The following AKAP13 variants were observed in gnomAD, a reference collection of about 807,000 sequenced individuals.
AKAP13 encodes the protein A-kinase anchor protein 13.
Under a neutral mutation model 264.5 loss-of-function variants are expected in AKAP13, and 80 were observed. The observed-to-expected ratio is 0.30, with a 90% CI of 0.25 to 0.36. The LOEUF (loss-of-function observed/expected upper bound fraction) is 0.36. Ranked by LOEUF, AKAP13 falls within the 10% of genes least tolerant of loss-of-function variation. The pLI is 1.00. For synonymous variants in AKAP13, 1,380 were observed against 1,250.2 expected (o/e 1.10, Z -2.19); for missense variants, 3,712 against 3,435.2 (o/e 1.08, Z -2.01).
intron 21 of AKAP13, 111 bp downstream of exon 21, chr15:85,717,513 G>A (rs1295089294): frequency 2.4e-5 from 18 of 747,214 alleles, no homozygotes; most frequent in Non-Finnish European, 3.5e-5. Context: ...TCTGTATCCC[G>A]TGAAGATTCT....
rs562284876 is a variant in AKAP13 at position 85,520,313 on chromosome 15, G to T, written c.34-1115G>T. ...GATTCGAGACCAACCTGGCCAACAC[G>T]GCGAAACCTTGTCTCTACTAAAAAT... On this transcript the variant is annotated intron_variant, in intron 2 of 36. Coordinates refer to ENST00000394518, the MANE Select transcript of AKAP13 (RefSeq NM_007200.5). Among the ~76,000 whole-genome samples the T allele has an allele frequency of 4.6e-5, 7 of 151,914 alleles. No homozygotes were observed. In the South Asian group the frequency reaches 1.5e-3, roughly 32 times the overall value.
At chr15:85,666,585 G>T (rs1176443354) in intron 13 of AKAP13, among the ~76,000 whole-genome samples, 1 of 152,078 alleles carries the variant, frequency 6.6e-6, no homozygotes, top group Admixed American at 6.5e-5. Context: ...GTCTCACTCT[G>T]TCGCCCATAC....
At position 85,485,745 on chromosome 15, in the gene AKAP13, C is replaced by T. The variant is rs781602354; in HGVS notation, c.25C>T (p.Pro9Ser). Reference protein sequence around the residue: MKLNPQQAPLYGDCVVTVL... With the variant: MKLNPQQASLYGDCVVTVL... ...CATGAAACTTAATCCACAGCAAGCT[C>T]CCTTATATGTGAGTAAATCATGAGA... is the stretch of plus-strand genomic sequence containing the variant. The change falls in exon 2 of 37, where the codon CCC becomes TCC. Residue 9 changes from proline (P) to serine (S), a missense_variant. Pro to Ser is a moderately conservative substitution (Grantham distance 74). This residue lies in a region of AKAP13 where 2,759 missense variants were observed against 2,411.7 expected (regional missense o/e 1.14). Coordinates refer to ENST00000394518, the MANE Select transcript of AKAP13 (RefSeq NM_007200.5). 1.7e-5 allele frequency: 28 copies of T among 1,612,946 alleles called. No homozygotes were observed. Among genetic ancestry groups the T allele is most frequent in the Non-Finnish European group, 2.3e-5 (27 of 1,179,242 alleles).
In AKAP13 at chr15:85,533,621, T is replaced by C; in HGVS notation, c.219T>C (p.Cys73=). The change falls in exon 4 of 37, where the codon TGT becomes TGC. Residue 73 remains cysteine, a synonymous_variant. Transcript: ENST00000394518. ...DCCETVKVQL[C]ASKEGLPVFV... ...GTGAAACAGTGAAGGTGCAGCTCTG[T>C]GCTTCCAAAGAGGGCCTTCCCGTGT... 6.2e-7 allele frequency: 1 copy of C among 1,613,882 alleles called. No individual in the cohort carries two copies. The highest frequency in any genetic ancestry group is 1.7e-5 in the Admixed American group (1 of 59,984).
intron 14 of AKAP13, among the ~76,000 whole-genome samples, chr15:85,671,745 C>G (rs137912874): frequency 4.6e-5 from 7 of 151,890 alleles, no homozygotes; most frequent in Admixed American, 2.6e-4. Flanking sequence ...AATGCTAGCA[C>G]TCAGTAGCCA....
intron 8 of AKAP13, among the ~76,000 whole-genome samples, chr15:85,600,093 G>C (rs568053625): frequency 6.6e-6 from 1 of 152,208 alleles, no homozygotes; most frequent in South Asian, 2.1e-4. Flanking sequence ...TAGCAAAAAG[G>C]ACAGAGAAGG....
rs1491295543 is a variant in AKAP13, at chr15:85,744,677, ACC to A, written c.*2_*3del. The A allele has an allele frequency of 1.2e-6, 2 of 1,604,904 alleles. No individual in the cohort carries two copies. Among genetic ancestry groups the A allele is most frequent in the South Asian group, 1.1e-5 (1 of 89,836 alleles). On this transcript the variant is annotated 3_prime_UTR_variant, in exon 37 of 37. Transcript: ENST00000394518. ...CAGAGGGTGAAGAGATCTTCTGCTG[ACC>A]CTCTTCCTCTCTGCTGAGGCAGCTG...
At chr15:85,717,509 T>C in intron 21 of AKAP13, 107 bp downstream of exon 21, 1 of 768,796 alleles carries the variant, frequency 1.3e-6, no homozygotes, top group Non-Finnish European at 2.1e-6. Context: ...CTCTTCTGTA[T>C]CCCGTGAAGA....
At chr15:85,633,528 TTTTTTTC>T (rs1596812944) in intron 8 of AKAP13, among the ~76,000 whole-genome samples, 2 of 137,752 alleles carry the variant, frequency 1.5e-5, no homozygotes, top group East Asian at 4.5e-4. Context: ...TGAATGACTT[TTTTTTTC>T]TTTTTTTTTT....
At chr15:85,418,530 C>A (rs1198328289) in intron 1 of AKAP13, among the ~76,000 whole-genome samples, 1 of 152,154 alleles carries the variant, frequency 6.6e-6, no homozygotes, top group Non-Finnish European at 1.5e-5. Context: ...AGCCCTGATA[C>A]CTGTGCAGTG....
intron 9 of AKAP13, among the ~76,000 whole-genome samples, chr15:85,644,381 C>T (rs940898746): frequency 1.3e-5 from 2 of 151,902 alleles, no homozygotes; most frequent in African/African-American, 4.8e-5. Flanking sequence ...GCTGGGATTA[C>T]AGGCACCTGC....
At chr15:85,723,568 G>A (rs1430164181) in intron 26 of AKAP13, among the ~76,000 whole-genome samples, 4 of 152,110 alleles carry the variant, frequency 2.6e-5, no homozygotes, top group Admixed American at 2.6e-4. Context: ...GGAAAATAAG[G>A]TTTTAAAAAA....
chr15:85,512,811 TTTTATGTA>T lies in AKAP13; in HGVS notation c.34-8615_34-8608del, dbSNP rs1370251221. ...ACCATGCTCCTACAGTGTTGACTAT[TTTTATGTA>T]TGTATGTATGTATGTATGTATGTAT... On this transcript the variant is annotated intron_variant, in intron 2 of 36. Coordinates refer to ENST00000394518, the MANE Select transcript of AKAP13 (RefSeq NM_007200.5). Among the ~76,000 whole-genome samples the T allele has an allele frequency of 3.3e-3, 483 of 144,566 alleles. 1 individual carries two copies. The highest frequency in any genetic ancestry group is 0.011 in the Admixed American group (151 of 14,302). The allele number at this position is 144,566 out of a possible 152,430, so 94.8% of individuals were successfully genotyped here. A position where few individuals can be genotyped will look rare whatever the true frequency, so the allele number is the denominator to read the frequency against.
rs150463067 is a variant in AKAP13 at position 85,579,883 on chromosome 15, T to C, written c.1815T>C (p.Thr605=). Residue 605 remains threonine (T), a synonymous_variant, in exon 7 of 37, where the codon ACT becomes ACC. Transcript: ENST00000394518. ...DKISDGLEPY[T]LLAAGIGEAM... ...TTTCAGATGGATTAGAACCTTATAC[T>C]CTCTTAGCAGCAGGCATAGGTGAGG... 168 of 1,614,062 alleles carry C rather than the reference T, an allele frequency of 1.0e-4. No individual in the cohort carries two copies. The highest frequency in any genetic ancestry group is 5.3e-5 in the Non-Finnish European group (63 of 1,180,040).
At chr15:85,601,492 A>G (rs2080068474) in intron 8 of AKAP13, among the ~76,000 whole-genome samples, 1 of 152,098 alleles carries the variant, frequency 6.6e-6, no homozygotes, top group Admixed American at 6.5e-5. Context: ...CCAAGATTCT[A>G]TCCTTTTCCC....
intron 1 of AKAP13, among the ~76,000 whole-genome samples, chr15:85,485,020 T>C (rs1271887779): frequency 6.6e-6 from 1 of 152,230 alleles, no homozygotes; most frequent in African/African-American, 2.4e-5. Flanking sequence ...CCTACCCTTC[T>C]GAGCATTTAT....
chr15:85,406,119 T>G (rs1308819461), intron 1 of AKAP13, among the ~76,000 whole-genome samples: 1 of 152,224 alleles, frequency 6.6e-6, no homozygotes, highest in Non-Finnish European at 1.5e-5. Context: ...CCCAAAGTGC[T>G]GGGATTATAG....
At chr15:85,723,591 G>A (rs182663957) in intron 26 of AKAP13, among the ~76,000 whole-genome samples, 8 of 152,288 alleles carry the variant, frequency 5.3e-5, no homozygotes, top group Admixed American at 2.6e-4. Context: ...AAAGCAAAGC[G>A]TAAGATTGGT....
At chr15:85,409,669 C>T (rs781354819) in intron 1 of AKAP13, among the ~76,000 whole-genome samples, 3 of 135,258 alleles carry the variant, frequency 2.2e-5, no homozygotes, top group Non-Finnish European at 3.0e-5. Context: ...CTTTGTCTGT[C>T]GCCCAGGCTG....
Sources: allele counts gnomAD v4.1 joint callset (sites outside exome capture counted in the v4.1 genomes callset), GRCh38; gene constraint gnomAD v4.1.1; regional missense constraint gnomAD v4.1.1; transcripts MANE v1.5; gene names NCBI Gene and HGNC (gene_info 2026-07-23, HGNC 2026-07-21).